LDLRAD4: variants seen among roughly 807,000 people sequenced by gnomAD.
The protein encoded by LDLRAD4 is low-density lipoprotein receptor class A domain-containing protein 4.
A neutral mutation model predicts 17.0 loss-of-function variants in LDLRAD4; 5 were observed. The ratio of observed to expected loss-of-function variants is 0.29; its 90% CI spans 0.15 to 0.62. The LOEUF (loss-of-function observed/expected upper bound fraction) is 0.62, where lower values mean the gene tolerates loss of function less well. Ranked by LOEUF, LDLRAD4 falls within the 20% of genes least tolerant of loss-of-function variation. The pLI is 0.84. For synonymous variants in LDLRAD4, 168 were observed against 171.8 expected, an observed-to-expected ratio of 0.98 and a Z score of 0.17; for missense variants, 340 against 424.7, an observed-to-expected ratio of 0.80 and a Z score of 1.75.
chr18:13,553,046 G>A (rs998660816), intron 3 of LDLRAD4, among the ~76,000 whole-genome samples: 3 of 152,306 alleles, frequency 2.0e-5, no homozygotes, highest in South Asian at 2.1e-4. Flanking sequence ...TAAGAGGTTA[G>A]TATTTTGTTA....
intron 3 of LDLRAD4, among the ~76,000 whole-genome samples, chr18:13,482,356 C>T (rs2093112300): frequency 1.3e-5 from 2 of 152,212 alleles, no homozygotes; most frequent in Non-Finnish European, 2.9e-5. Context: ...CCCTGCAGAC[C>T]ACGCCATGTG....
chr18:13,377,181 C>T (rs191282231), intron 1 of LDLRAD4, among the ~76,000 whole-genome samples: 2 of 152,346 alleles, frequency 1.3e-5, no homozygotes, highest in South Asian at 2.1e-4. Context: ...TGGGTCTGCT[C>T]ACTGCCGGTA....
intron 1 of LDLRAD4, among the ~76,000 whole-genome samples, chr18:13,373,270 A>G (rs763912648): frequency 2.0e-5 from 3 of 152,094 alleles, no homozygotes; most frequent in Admixed American, 6.6e-5. Flanking sequence ...TGAGAACCTA[A>G]AAAGCAACTG....
chr18:13,346,422 T>A (rs539939614), intron 1 of LDLRAD4, among the ~76,000 whole-genome samples: 3 of 152,360 alleles, frequency 2.0e-5, no homozygotes, highest in Admixed American at 2.0e-4. Flanking sequence ...TCTAGTTTGA[T>A]TGCACTGTGG....
At chr18:13,481,470 G>C (rs1023398728) in intron 3 of LDLRAD4, among the ~76,000 whole-genome samples, 1 of 152,168 alleles carries the variant, frequency 6.6e-6, no homozygotes, top group East Asian at 1.9e-4. Context: ...GATTTCTGAG[G>C]CATGTGCTGT....
At chr18:13,618,431 T>C (rs1032737232) in intron 3 of LDLRAD4, among the ~76,000 whole-genome samples, 4 of 152,246 alleles carry the variant, frequency 2.6e-5, no homozygotes, top group African/African-American at 9.6e-5. Flanking sequence ...AAAATCCTTT[T>C]CAAATGAAAC....
At chr18:13,424,508 C>T (rs2089766252) in intron 2 of LDLRAD4, among the ~76,000 whole-genome samples, 1 of 152,080 alleles carries the variant, frequency 6.6e-6, no homozygotes, top group African/African-American at 2.4e-5. Context: ...GTGCTGGCCC[C>T]TGGGGATGCA....
intron 4 of LDLRAD4, among the ~76,000 whole-genome samples, chr18:13,626,422 G>A (rs751910896): frequency 9.2e-5 from 14 of 152,098 alleles, no homozygotes; most frequent in African/African-American, 3.1e-4. Flanking sequence ...GGCCCAGAGG[G>A]TCCAGCCTGG....
At chr18:13,454,449 G>A (rs982677978) in intron 3 of LDLRAD4, among the ~76,000 whole-genome samples, 1 of 152,026 alleles carries the variant, frequency 6.6e-6, no homozygotes, top group African/African-American at 2.4e-5. Flanking sequence ...TTCCTGGGTC[G>A]GCCTGGGAAA....
At position 13,622,989 on chromosome 18, in the gene LDLRAD4, C is replaced by T. The variant is rs2040794194; in HGVS notation, c.336+1718C>T. On this transcript the variant is annotated intron_variant, in intron 4 of 5. Coordinates refer to ENST00000359446, the Ensembl canonical transcript of LDLRAD4. The surrounding 1 kb of genome is among the most constrained non-coding windows in gnomAD (Gnocchi z 5.3). ...CCCAGACTTGCCCTGGTGTTGGCTT[C>T]TCTCTCCCTAGTGTGGGTCAGGCAG... 6.6e-6 allele frequency among the ~76,000 whole-genome samples: 1 copy of T among 152,206 alleles called. No individual in the cohort carries two copies. The highest frequency in any genetic ancestry group is 2.1e-4 in the South Asian group (1 of 4,836).
chr18:13,430,139 C>G (rs1184240016), intron 2 of LDLRAD4, among the ~76,000 whole-genome samples: 1 of 152,112 alleles, frequency 6.6e-6, no homozygotes, highest in African/African-American at 2.4e-5. Context: ...ATAAATGCTG[C>G]CAGGCACTCT....
intron 3 of LDLRAD4, chr18:13,612,036 G>A: frequency 1.0e-6 from 1 of 985,518 alleles, no homozygotes; most frequent in Non-Finnish European, 1.2e-6. Context: ...CCTAACGTGA[G>A]CGTCCCGCCT....
chr18:13,225,323 G>A (rs780531458), intron 1 of LDLRAD4, among the ~76,000 whole-genome samples: 3 of 152,168 alleles, frequency 2.0e-5, no homozygotes, highest in Non-Finnish European at 4.4e-5. Context: ...ACTGGTCCAC[G>A]GTATCAGGCA....
rs1440522590 is a variant in LDLRAD4 at position 13,496,095 on chromosome 18, G to T, written c.181+57711G>T. ...GGAACAGGGAAGGTGAGTATGCAGG[G>T]GACAGGTACCAGCTGTTTGCCATGG... is the stretch of plus-strand genomic sequence containing the variant. On this transcript the variant is annotated intron_variant, in intron 3 of 5. Transcript: ENST00000359446. Among the ~76,000 whole-genome samples, 5 of 152,166 alleles carry T rather than the reference G, an allele frequency of 3.3e-5. No individual in the cohort carries two copies. The East Asian group carries it at 9.6e-4, about 29-fold the overall frequency.
intron 1 of LDLRAD4, among the ~76,000 whole-genome samples, chr18:13,357,780 T>C (rs1199615310): frequency 3.3e-5 from 5 of 152,352 alleles, no homozygotes; most frequent in African/African-American, 1.2e-4. Flanking sequence ...CTTCCCTTCA[T>C]CTACCATTTG....
At chr18:13,629,379 A>G (rs978999974) in intron 4 of LDLRAD4, among the ~76,000 whole-genome samples, 13 of 152,356 alleles carry the variant, frequency 8.5e-5, no homozygotes, top group African/African-American at 2.9e-4. Context: ...CCGAGTTACA[A>G]ACTGATCTGT....
chr18:13,465,604 T>C (rs1193440855), intron 3 of LDLRAD4, among the ~76,000 whole-genome samples: 4 of 152,238 alleles, frequency 2.6e-5, no homozygotes, highest in African/African-American at 9.6e-5. Flanking sequence ...GCCCTGGGCA[T>C]GCCCTCATTG....
chr18:13,545,623 C>T (rs112189972), intron 3 of LDLRAD4, among the ~76,000 whole-genome samples: 11 of 152,234 alleles, frequency 7.2e-5, no homozygotes, highest in East Asian at 1.9e-4. Flanking sequence ...TTCTAGCAGC[C>T]GGCCATGAGC....
intron 1 of LDLRAD4, among the ~76,000 whole-genome samples, chr18:13,285,976 G>A (rs542322207): frequency 7.2e-5 from 11 of 152,276 alleles, no homozygotes; most frequent in Admixed American, 3.9e-4. Context: ...ATTTTTAAGC[G>A]TACGGTTCTG....
Sources: gnomAD v4.1 joint callset for allele counts (sites outside exome capture counted in the v4.1 genomes callset) on GRCh38, gnomAD v4.1.1 for gene constraint, Gnocchi (gnomAD v3.1) non-coding constraint, MANE v1.5 for transcripts, NCBI Gene and HGNC (gene_info 2026-07-23, HGNC 2026-07-21) for gene names.